BMPR1B: variants seen among roughly 807,000 people sequenced by gnomAD.
BMPR1B encodes the protein bone morphogenetic protein receptor type-1B.
In BMPR1B, 12 loss-of-function variants were observed where a neutral mutation model predicts 59.1. That is an observed-to-expected ratio of 0.20 (90% CI 0.13 to 0.33). The LOEUF (loss-of-function observed/expected upper bound fraction) is 0.33. Among genes scored for constraint, BMPR1B ranks in the 10% least tolerant of loss-of-function variants. The pLI, the probability that BMPR1B is intolerant of heterozygous loss-of-function variation, is 1.00. For missense variants in BMPR1B, 550 were observed against 610.9 expected (o/e 0.90, Z 1.05); for synonymous variants, 237 against 207.3 (o/e 1.14, Z -1.23).
intron 2 of BMPR1B, among the ~76,000 whole-genome samples, chr4:94,934,652 G>C (rs2149037519): frequency 6.6e-6 from 1 of 151,998 alleles, no homozygotes; most frequent in South Asian, 2.1e-4. Context: ...CTATACTTAT[G>C]GAACTGAGAG....
At chr4:95,112,259 A>C (rs1275280199) in intron 4 of BMPR1B, among the ~76,000 whole-genome samples, 2 of 151,970 alleles carry the variant, frequency 1.3e-5, no homozygotes, top group African/African-American at 2.4e-5. Context: ...ATCACTTCCA[A>C]CACTCTGGGA....
At chr4:95,131,900 A>G (rs1223636665) in intron 10 of BMPR1B, among the ~76,000 whole-genome samples, 2 of 152,244 alleles carry the variant, frequency 1.3e-5, no homozygotes, top group African/African-American at 2.4e-5. Flanking sequence ...GATAACTTGC[A>G]TAGATGTTTT....
intron 1 of BMPR1B, among the ~76,000 whole-genome samples, chr4:94,858,477 T>C (rs1220215616): frequency 6.6e-6 from 1 of 152,192 alleles, no homozygotes; most frequent in Non-Finnish European, 1.5e-5. Context: ...TTTTTTTCTA[T>C]TATAGAATTT....
At chr4:94,862,190 A>C (rs1726011754) in intron 1 of BMPR1B, among the ~76,000 whole-genome samples, 1 of 151,216 alleles carries the variant, frequency 6.6e-6, no homozygotes, top group South Asian at 2.1e-4. Context: ...TTGCTGTGTC[A>C]CCCAGGCTGG....
At chr4:94,783,115 T>C (rs1722642961) in intron 1 of BMPR1B, among the ~76,000 whole-genome samples, 1 of 152,190 alleles carries the variant, frequency 6.6e-6, no homozygotes, top group Non-Finnish European at 1.5e-5. Context: ...CCTTATATCT[T>C]TGTCAAGCTG....
intron 3 of BMPR1B, among the ~76,000 whole-genome samples, chr4:95,084,977 G>A (rs1729461568): frequency 6.6e-6 from 1 of 152,002 alleles, no homozygotes; most frequent in Non-Finnish European, 1.5e-5. Context: ...GTGTGACTTG[G>A]CCTATTGAAA....
At chr4:94,979,294 A>G (rs1377923013) in intron 2 of BMPR1B, among the ~76,000 whole-genome samples, 1 of 152,230 alleles carries the variant, frequency 6.6e-6, no homozygotes, top group Non-Finnish European at 1.5e-5. Flanking sequence ...GTCAACTCCA[A>G]AGTTAATAGA....
At chr4:95,114,679 C>A in intron 4 of BMPR1B, 41 bp from the exon 5 acceptor site, 2 of 1,517,122 alleles carry the variant, frequency 1.3e-6, no homozygotes, top group Middle Eastern at 1.7e-4. Context: ...CTGACTCACA[C>A]ACACACATTC....
chr4:94,982,945 A>G (rs1404083787), intron 2 of BMPR1B, among the ~76,000 whole-genome samples: 1 of 151,894 alleles, frequency 6.6e-6, no homozygotes, highest in African/African-American at 2.4e-5. Context: ...AGATCGTGCC[A>G]CTGCACTCCA....
At chr4:95,041,277 G>A (rs936186246) in intron 3 of BMPR1B, among the ~76,000 whole-genome samples, 3 of 151,920 alleles carry the variant, frequency 2.0e-5, no homozygotes, top group African/African-American at 7.3e-5. Flanking sequence ...TTGAACTTCC[G>A]GGCTCAAGCG....
chr4:94,804,933 T>G lies in BMPR1B; in HGVS notation c.-183+46865T>G, dbSNP rs1210266234. ...TTTCTGCAGATGGAGAGTATAATATTAATACTATTTATGTTTACATAATTC... is the reference window on the plus strand; with the variant it reads ...TTTCTGCAGATGGAGAGTATAATATGAATACTATTTATGTTTACATAATTC... On this transcript the variant is annotated intron_variant, in intron 1 of 12. Coordinates refer to ENST00000515059, the MANE Select transcript of BMPR1B (RefSeq NM_001203.3). Among the ~76,000 whole-genome samples, 4 of 152,174 alleles carry G rather than the reference T, an allele frequency of 2.6e-5. No homozygotes were observed. In the East Asian group the frequency reaches 7.7e-4, roughly 29 times the overall value.
intron 3 of BMPR1B, among the ~76,000 whole-genome samples, chr4:95,089,494 TAAC>T (rs1356529516): frequency 6.6e-6 from 1 of 152,078 alleles, no homozygotes; most frequent in Non-Finnish European, 1.5e-5. Context: ...CAGGTAAAAT[TAAC>T]AAGGCTTTTA....
Position 95,154,728 on chromosome 4 carries a change from G to C in BMPR1B, c.*55G>C. The C allele has an allele frequency of 6.2e-7, 1 of 1,605,646 alleles. No individual in the cohort carries two copies. Among genetic ancestry groups the C allele is most frequent in the Non-Finnish European group, 8.5e-7 (1 of 1,172,936 alleles). On this transcript the variant is annotated 3_prime_UTR_variant, in exon 13 of 13. Coordinates refer to ENST00000515059, the MANE Select transcript of BMPR1B (RefSeq NM_001203.3). ...AAAGCCAACAGGTACTCTTCTGTTT[G>C]TGGGCAGAGCAAAAGACATCAAATA...
At chr4:95,064,262 C>G (rs1226183612) in intron 3 of BMPR1B, among the ~76,000 whole-genome samples, 2 of 152,182 alleles carry the variant, frequency 1.3e-5, no homozygotes, top group African/African-American at 4.8e-5. Flanking sequence ...TGGTAGTCAT[C>G]CCTGACCTGT....
intron 8 of BMPR1B, among the ~76,000 whole-genome samples, chr4:95,125,530 C>T (rs1732845764): frequency 1.3e-5 from 2 of 152,148 alleles, no homozygotes; most frequent in African/African-American, 4.8e-5. Context: ...GTTTATGTTT[C>T]AGGGTAAAGT....
chr4:95,031,057 C>A (rs370794205), intron 3 of BMPR1B, among the ~76,000 whole-genome samples: 2 of 151,770 alleles, frequency 1.3e-5, no homozygotes, highest in African/African-American at 2.4e-5. Context: ...GAGCCCGCAT[C>A]GCCAAGTCAA....
intron 1 of BMPR1B, among the ~76,000 whole-genome samples, chr4:94,831,444 A>G (rs184299957): frequency 2.2e-3 from 330 of 152,304 alleles, no homozygotes; most frequent in African/African-American, 7.6e-3. Flanking sequence ...AGTTAAACCT[A>G]AGTATACAAT....
At position 95,125,009 on chromosome 4, in the gene BMPR1B, G is replaced by A. The variant is rs761486688; in HGVS notation, c.473G>A (p.Arg158Gln). 10 of 1,613,130 alleles carry A rather than the reference G, an allele frequency of 6.2e-6. No homozygotes were observed. Among genetic ancestry groups the A allele is most frequent in the Admixed American group, 3.3e-5 (2 of 59,942 alleles). Residue 158 changes from arginine to glutamine, a missense_variant, in exon 8 of 13, where the codon CGA becomes CAA. By Grantham distance (43) the Arg-to-Gln change is conservative. Transcript: ENST00000515059. ...FRYKRQETRP[R>Q]YSIGLEQDET... ...TATAAAAGACAAGAAACCAGACCTC[G>A]ATACAGCATTGGGTTAGAACAGGAT... is the stretch of plus-strand genomic sequence containing the variant.
At chr4:95,114,626 C>T (rs1731875649) in intron 4 of BMPR1B, 94 bp from the exon 5 acceptor site, 1 of 1,047,696 alleles carries the variant, frequency 9.5e-7, no homozygotes, top group Admixed American at 1.7e-5. Context: ...ATACACATCA[C>T]TTATTTCCTT....
Sources: allele counts gnomAD v4.1 joint callset (sites outside exome capture counted in the v4.1 genomes callset), GRCh38; gene constraint gnomAD v4.1.1; transcripts MANE v1.5; gene names NCBI Gene and HGNC (gene_info 2026-07-23, HGNC 2026-07-21).